KRTAP10-5: variants seen among roughly 807,000 people sequenced by gnomAD.
KRTAP10-5 encodes keratin associated protein 10-5.
For missense variants in KRTAP10-5, 370 were observed against 351.2 expected (o/e 1.05, Z -0.43); for synonymous variants, 157 against 151.9 (o/e 1.03, Z -0.25).
Position 44,579,680 on chromosome 21 carries a change from G to T in KRTAP10-5, c.*83C>A. Reference sequence around the variant, plus strand: ...CATGGGGGCCCCGTCCCAAGCGGGGGCAACCTCCTAACCCGAGTCAGGACC... The same window carrying T: ...CATGGGGGCCCCGTCCCAAGCGGGGTCAACCTCCTAACCCGAGTCAGGACC... On this transcript the variant is annotated 3_prime_UTR_variant, in exon 1 of 1. Coordinates refer to ENST00000400372, the MANE Select transcript of KRTAP10-5 (RefSeq NM_198694.3). The T allele has an allele frequency of 1.3e-6, 2 of 1,528,498 alleles. No individual in the cohort carries two copies. The highest frequency in any genetic ancestry group is 1.3e-5 in the South Asian group (1 of 79,862). The allele number at this position is 1,528,498 out of a possible 1,614,324, so 94.7% of individuals were successfully genotyped here. A position where few individuals can be genotyped will look rare whatever the true frequency, so the allele number is the denominator to read the frequency against.
Position 44,579,990 on chromosome 21 carries a change from T to C in KRTAP10-5, c.589A>G (p.Thr197Ala), listed in dbSNP as rs782577974. ...CAGCTAGACTGCTGGCAGCATGAAG[T>C]GGAAGCCCCAGAGCAGACGGGCACA... The part of the protein sequence containing the change: ...CCVPVCSGAS[T>A]SCCQQSSCQP... The change falls in exon 1 of 1, where the codon ACT becomes GCT. Residue 197 changes from threonine to alanine, a missense_variant. By Grantham distance (58) the Thr-to-Ala change is moderately conservative (BLOSUM62 0). Coordinates refer to ENST00000400372, the MANE Select transcript of KRTAP10-5 (RefSeq NM_198694.3). 5 of 1,609,584 alleles carry C rather than the reference T, an allele frequency of 3.1e-6. No individual in the cohort carries two copies. The highest frequency in any genetic ancestry group is 4.2e-6 in the Non-Finnish European group (5 of 1,178,782).
rs587638657 is a variant in KRTAP10-5, at chr21:44,579,641, G to A, written c.*122C>T. On this transcript the variant is annotated 3_prime_UTR_variant, in exon 1 of 1. Coordinates refer to ENST00000400372, the MANE Select transcript of KRTAP10-5 (RefSeq NM_198694.3). ...GAGATTCCTGGGAGTATGGAGGGGG[G>A]GGTCACCTCAGCACATGGGGGCCCC... 80 of 1,224,954 alleles carry A rather than the reference G, an allele frequency of 6.5e-5. No individual in the cohort carries two copies. In the East Asian group the frequency reaches 1.8e-3, roughly 27 times the overall value. The allele number at this position is 1,224,954 out of a possible 1,614,324, so 75.9% of individuals were successfully genotyped here.
At position 44,579,469 on chromosome 21, in the gene KRTAP10-5, G is replaced by C. The variant is rs1424819844; in HGVS notation, c.*294C>G. 17 of 545,954 alleles carry C rather than the reference G, an allele frequency of 3.1e-5. No individual in the cohort carries two copies. Among genetic ancestry groups the C allele is most frequent in the African/African-American group, 3.0e-4 (16 of 52,998 alleles). 33.8% of individuals were successfully genotyped at this position (545,954 alleles called of 1,614,324 possible). On this transcript the variant is annotated 3_prime_UTR_variant, in exon 1 of 1. Transcript: ENST00000400372. ...GAAAAAGAGAATCAGGCGACCAAGG[G>C]GAGTTTATTGGGGAGCAGGAGGAGG...
chr21:44,580,594 A>G lies in KRTAP10-5; in HGVS notation c.-16T>C. ...ACGCGGCCATGCTGGGGTGGGGAAGACGTGAGCTGGGAGCTGGGGGAGGTG... is the reference window on the plus strand; with the variant it reads ...ACGCGGCCATGCTGGGGTGGGGAAGGCGTGAGCTGGGAGCTGGGGGAGGTG... On this transcript the variant is annotated 5_prime_UTR_variant, in exon 1 of 1. Coordinates refer to ENST00000400372, the MANE Select transcript of KRTAP10-5 (RefSeq NM_198694.3). The G allele has an allele frequency of 6.3e-7, 1 of 1,598,766 alleles. No individual in the cohort carries two copies. The highest frequency in any genetic ancestry group is 1.1e-5 in the South Asian group (1 of 87,358).
At position 44,580,584 on chromosome 21, in the gene KRTAP10-5, G is replaced by C. The variant is rs1555924983; in HGVS notation, c.-6C>G. The stretch of plus-strand genomic sequence containing the variant: ...GACATGGTGCACGCGGCCATGCTGG[G>C]GTGGGGAAGACGTGAGCTGGGAGCT... On this transcript the variant is annotated 5_prime_UTR_variant, in exon 1 of 1. Coordinates refer to ENST00000400372, the MANE Select transcript of KRTAP10-5 (RefSeq NM_198694.3). 6.2e-7 allele frequency: 1 copy of C among 1,604,644 alleles called. No homozygotes were observed. The highest frequency in any genetic ancestry group is 1.1e-5 in the South Asian group (1 of 88,798).
chr21:44,579,526 A>C lies in KRTAP10-5; in HGVS notation c.*237T>G, dbSNP rs464684. On this transcript the variant is annotated 3_prime_UTR_variant, in exon 1 of 1. Coordinates refer to ENST00000400372, the MANE Select transcript of KRTAP10-5 (RefSeq NM_198694.3). ...CAGGTTCAAGTCGAGGCCAAGTGAC[A>C]TGGGGCAGAGAAGCTGGGAGGGAGG... 568,799 of 596,772 alleles carry C rather than the reference A, an allele frequency of 0.95. 271,752 individuals carry two copies. Among genetic ancestry groups the C allele is most frequent in the Non-Finnish European group, 0.97 (331,214 of 339,738 alleles). The allele number at this position is 596,772 out of a possible 1,614,324, so 37.0% of individuals were successfully genotyped here. A position where few individuals can be genotyped will look rare whatever the true frequency, so the allele number is the denominator to read the frequency against.
In KRTAP10-5 at chr21:44,580,259, G is replaced by A. The variant is rs868980591; in HGVS notation, c.320C>T (p.Ser107Phe). Residue 107 changes from serine to phenylalanine, a missense_variant, in exon 1 of 1, where the codon TCC (serine) becomes TTC (phenylalanine). Ser to Phe is a radical substitution (Grantham distance 155). Transcript: ENST00000400372. ...VCCLPTCSKDSSSCCQQSSCQ... is the reference protein window; with the variant it reads ...VCCLPTCSKDFSSCCQQSSCQ... The stretch of plus-strand genomic sequence containing the variant: ...GCTAGACTGCTGGCAGCATGAAGAG[G>A]AATCCTTAGAGCAGGTGGGCAGGCA... 1.2e-6 allele frequency: 2 copies of A among 1,612,224 alleles called. No individual in the cohort carries two copies. The highest frequency in any genetic ancestry group is 1.7e-6 in the Non-Finnish European group (2 of 1,179,654).
Position 44,579,734 on chromosome 21 carries a change from C to T in KRTAP10-5, c.*29G>A, listed in dbSNP as rs1555924529. The T allele has an allele frequency of 6.3e-7, 1 of 1,594,828 alleles. No individual in the cohort carries two copies. Among genetic ancestry groups the T allele is most frequent in the South Asian group, 1.1e-5 (1 of 87,568 alleles). ...TGGCCCTGGGGGATGTGCACATCAGCAACTGGACTCCTGGCCTGAGCAGAG... is the reference window on the plus strand; with the variant it reads ...TGGCCCTGGGGGATGTGCACATCAGTAACTGGACTCCTGGCCTGAGCAGAG... On this transcript the variant is annotated 3_prime_UTR_variant, in exon 1 of 1. Transcript: ENST00000400372.
chr21:44,580,324 C>T lies in KRTAP10-5; in HGVS notation c.255G>A (p.Gln85=). 1 of 1,614,002 alleles carries T rather than the reference C, an allele frequency of 6.2e-7. No individual in the cohort carries two copies. Among genetic ancestry groups the T allele is most frequent in the Non-Finnish European group, 8.5e-7 (1 of 1,180,006 alleles). Residue 85 remains glutamine (Q), a synonymous_variant, in exon 1 of 1, where the codon CAG becomes CAA. Coordinates refer to ENST00000400372, the MANE Select transcript of KRTAP10-5 (RefSeq NM_198694.3). ...AGCAGACGGGCACGCAGCAGGCCTG[C>T]TGGCAGGGGGAGGAGGCGCAGCAAG... ...QPACCASSPC[Q]QACCVPVCCK... is the part of the protein sequence containing the mutation.
In KRTAP10-5 at chr21:44,579,944, G is replaced by T; in HGVS notation, c.635C>A (p.Thr212Asn). The T allele has an allele frequency of 6.2e-7, 1 of 1,614,148 alleles. No homozygotes were observed. The highest frequency in any genetic ancestry group is 8.5e-7 in the Non-Finnish European group (1 of 1,180,002). ...GGAGGAGGAGGGTCTGCAGCAGGAG[G>T]TGGTGCAGCAAGCCGGCTGACAGCT... ...QSSCQPACCT[T>N]SCCRPSSSVS... The change falls in exon 1 of 1, where the codon ACC (threonine) becomes AAC (asparagine). Residue 212 changes from threonine (T) to asparagine (N), a missense_variant. Thr to Asn is a moderately conservative substitution (Grantham distance 65, BLOSUM62 0). Coordinates refer to ENST00000400372, the MANE Select transcript of KRTAP10-5 (RefSeq NM_198694.3).
At position 44,580,233 on chromosome 21, in the gene KRTAP10-5, AGCTAGACTGCTGGCAGCAT is replaced by A. The variant is rs782704200; in HGVS notation, c.327_345del (p.Cys110AlafsTer253). ...GAAGAGGCACAGCAAGTTGGCTGGCAGCTAGACTGCTGGCAGCATGAAGAGGAATCCTTAGAGCAGGTGG... is the reference window on the plus strand; with the variant it reads ...GAAGAGGCACAGCAAGTTGGCTGGCAGAAGAGGAATCCTTAGAGCAGGTGG... On this transcript the variant is annotated frameshift_variant, in exon 1 of 1. Transcript: ENST00000400372. LOFTEE classifies it low-confidence loss of function (END_TRUNC). 2 of 1,613,956 alleles carry A rather than the reference AGCTAGACTGCTGGCAGCAT, an allele frequency of 1.2e-6. No individual in the cohort carries two copies. Among genetic ancestry groups the A allele is most frequent in the African/African-American group, 2.7e-5 (2 of 74,872 alleles).
At position 44,580,029 on chromosome 21, in the gene KRTAP10-5, T is replaced by G. The variant is rs1202149724; in HGVS notation, c.550A>C (p.Lys184Gln). The G allele has an allele frequency of 2.1e-5, 34 of 1,594,200 alleles. No homozygotes were observed. The highest frequency in any genetic ancestry group is 2.7e-5 in the Non-Finnish European group (32 of 1,167,820). The change falls in exon 1 of 1, where the codon AAA becomes CAA. Residue 184 changes from lysine to glutamine, a missense_variant. Coordinates refer to ENST00000400372, the MANE Select transcript of KRTAP10-5 (RefSeq NM_198694.3). ...VPVCCKPVCC[K>Q]PICCVPVCSG... ...CAGACGGGCACACAGCAGATGGGTTTGCAGCAGACAGGCTTGCAACAGACA... is the reference window on the plus strand; with the variant it reads ...CAGACGGGCACACAGCAGATGGGTTGGCAGCAGACAGGCTTGCAACAGACA...
At position 44,580,105 on chromosome 21, in the gene KRTAP10-5, G is replaced by A. The variant is rs782045149; in HGVS notation, c.474C>T (p.Cys158=). ...GGGAGGAGGTGCAGCAAGTCGGCTG[G>A]CAGCTAGAATGCTGGCAGCATGAAG... is the stretch of plus-strand genomic sequence containing the variant. ...DSSSCCQHSS[C]QPTCCTSSPC... The change falls in exon 1 of 1, where the codon TGC becomes TGT. Residue 158 remains cysteine, a synonymous_variant. Transcript: ENST00000400372. The A allele has an allele frequency of 6.2e-7, 1 of 1,613,686 alleles. No homozygotes were observed. Among genetic ancestry groups the A allele is most frequent in the South Asian group, 1.1e-5 (1 of 91,018 alleles).
Position 44,579,937 on chromosome 21 carries a change from G to A in KRTAP10-5, c.642C>T (p.Cys214=). The change falls in exon 1 of 1, where the codon TGC becomes TGT. Residue 214 remains cysteine (C), a synonymous_variant. Coordinates refer to ENST00000400372, the MANE Select transcript of KRTAP10-5 (RefSeq NM_198694.3). The part of the protein sequence containing the change: ...SCQPACCTTS[C]CRPSSSVSLL... ...GGGACACGGAGGAGGAGGGTCTGCA[G>A]CAGGAGGTGGTGCAGCAAGCCGGCT... 2 of 1,614,176 alleles carry A rather than the reference G, an allele frequency of 1.2e-6. No homozygotes were observed. Among genetic ancestry groups the A allele is most frequent in the Non-Finnish European group, 1.7e-6 (2 of 1,180,026 alleles).
In KRTAP10-5 at chr21:44,580,493, G is replaced by A. The variant is rs587596198; in HGVS notation, c.86C>T (p.Pro29Leu). 8 of 1,613,480 alleles carry A rather than the reference G, an allele frequency of 5.0e-6. No individual in the cohort carries two copies. The African/African-American group carries it at 6.7e-5, about 13-fold the overall frequency. Residue 29 changes from proline (P) to leucine (L), a missense_variant, in exon 1 of 1, where the codon CCC (proline) becomes CTC (leucine). Physicochemically the swap from Pro to Leu is moderately conservative, Grantham distance 98. Coordinates refer to ENST00000400372, the MANE Select transcript of KRTAP10-5 (RefSeq NM_198694.3). ...VDDCPESCCE[P>L]PCGTAPCLTL... ...CAGGCAGGGGGCGGTGCCGCAGGGG[G>A]GCTCACAGCAGCTCTCTGGGCAGTC...
In KRTAP10-5 at chr21:44,579,783, A is replaced by T. The variant is rs587741370; in HGVS notation, c.796T>A (p.Cys266Ser). The change falls in exon 1 of 1, where the codon TGC becomes AGC. Residue 266 changes from cysteine to serine, a missense_variant. Physicochemically the swap from Cys to Ser is moderately radical, Grantham distance 112. Transcript: ENST00000400372. ...AGGCCTCAGCAGGCCAGGGGGGAGC[A>T]CGCGGGGCGGCAGAGGAGGGACACG... ...SCVSLLCRPA[C>S]SPLAC 1.7e-5 allele frequency: 27 copies of T among 1,612,402 alleles called. No individual in the cohort carries two copies. The highest frequency in any genetic ancestry group is 2.2e-5 in the South Asian group (2 of 90,938).
Position 44,579,549 on chromosome 21 carries a change from A to C in KRTAP10-5, c.*214T>G. ...ACATGGGGCAGAGAAGCTGGGAGGG[A>C]GGACAGGGGACCCAACAGGCAGGTG... is the stretch of plus-strand genomic sequence containing the variant. On this transcript the variant is annotated 3_prime_UTR_variant, in exon 1 of 1. Transcript: ENST00000400372. 1.6e-6 allele frequency: 1 copy of C among 623,612 alleles called. No homozygotes were observed. The allele number at this position is 623,612 out of a possible 1,614,324, so 38.6% of individuals were successfully genotyped here. A position where few individuals can be genotyped will look rare whatever the true frequency, so the allele number is the denominator to read the frequency against.
At position 44,579,844 on chromosome 21, in the gene KRTAP10-5, G is replaced by A; in HGVS notation, c.735C>T (p.Ser245=). 1.3e-6 allele frequency: 2 copies of A among 1,595,950 alleles called. No individual in the cohort carries two copies. The highest frequency in any genetic ancestry group is 1.1e-5 in the South Asian group (1 of 89,384). The change falls in exon 1 of 1, where the codon TCC becomes TCT. Residue 245 remains serine, a synonymous_variant. Transcript: ENST00000400372. ...GGCGGCAGCAGCTGGCCTGGTAGGA[G>A]GAGGCAGGGGCACAGCAGGAGGAGA... The part of the protein sequence containing the change: ...LPISSCCAPA[S]SYQASCCRPA...
Position 44,580,572 on chromosome 21 carries a change from C to G in KRTAP10-5, c.7G>C (p.Ala3Pro), listed in dbSNP as rs145432474. ...CTGGAGCAGACGGACATGGTGCACG[C>G]GGCCATGCTGGGGTGGGGAAGACGT... Reference protein sequence around the residue: MAACTMSVCSSAC... With the variant: MAPCTMSVCSSAC... Residue 3 changes from alanine to proline, a missense_variant, in exon 1 of 1, where the codon GCG becomes CCG. Ala to Pro is a conservative substitution (Grantham distance 27, BLOSUM62 -1). Coordinates refer to ENST00000400372, the MANE Select transcript of KRTAP10-5 (RefSeq NM_198694.3). 5 of 1,609,180 alleles carry G rather than the reference C, an allele frequency of 3.1e-6. No individual in the cohort carries two copies. Among genetic ancestry groups the G allele is most frequent in the Middle Eastern group, 1.7e-4 (1 of 5,820 alleles).
Sources: gnomAD v4.1 joint callset for allele counts on GRCh38, gnomAD v4.1.1 for gene constraint, MANE v1.5 for transcripts, NCBI Gene and HGNC (gene_info 2026-07-23, HGNC 2026-07-21) for gene names.